The following SGCD variants were observed in gnomAD, a reference collection of about 807,000 sequenced individuals.
The protein encoded by SGCD is sarcoglycan delta, also known as delta-sarcoglycan.
Under a neutral mutation model 36.6 loss-of-function variants are expected in SGCD, and 18 were observed. That is an observed-to-expected ratio of 0.49 (90% confidence interval 0.34 to 0.73). The LOEUF is 0.73. Ranked by LOEUF, SGCD falls within the 30% of genes least tolerant of loss-of-function variation. The probability of loss-of-function intolerance (pLI) is 0.01; values close to 1 mark genes in which losing one functional copy is unlikely to be tolerated. For synonymous variants in SGCD, 133 were observed against 130.6 expected, an observed-to-expected ratio of 1.02 and a Z score of -0.12; for missense variants, 387 against 346.7, an observed-to-expected ratio of 1.12 and a Z score of -0.92.
At chr5:156,742,202 T>TACACAAAG (rs113878339) in intron 7 of SGCD, among the ~76,000 whole-genome samples, 2 of 152,284 alleles carry the variant, frequency 1.3e-5, no homozygotes, top group African/African-American at 4.8e-5. Context: ...TGAGGTTTTA[T>TACACAAAG]ACACAAAGTA....
intron 1 of SGCD, among the ~76,000 whole-genome samples, chr5:156,106,109 C>CAAAAAA (rs1159337817): frequency 1.8e-3 from 62 of 34,940 alleles, no homozygotes; most frequent in African/African-American, 2.1e-3. Flanking sequence ...GACTCTGCCT[C>CAAAAAA]AAAAAAAAAA....
At chr5:155,807,804 C>T in the SGCD span, among the ~76,000 whole-genome samples, 11 of 152,118 alleles carry the variant, frequency 7.2e-5, no homozygotes, top group African/African-American at 1.4e-4. Context: ...CTTTGGAATA[C>T]GACATAACAC....
chr5:156,308,217 A>G (rs1455384416), intron 3 of SGCD, among the ~76,000 whole-genome samples: 1 of 152,128 alleles, frequency 6.6e-6, no homozygotes, highest in Non-Finnish European at 1.5e-5. Context: ...GAAAACTTAC[A>G]ATCGTGGCGG....
chr5:155,908,592 A>G (rs1014145275), intron 1 of SGCD, among the ~76,000 whole-genome samples: 3 of 152,138 alleles, frequency 2.0e-5, no homozygotes, highest in African/African-American at 7.2e-5. Context: ...ATTTCTACAT[A>G]ATTCTAAAGA....
At chr5:156,269,675 G>A (rs1459805910) in intron 3 of SGCD, among the ~76,000 whole-genome samples, 2 of 151,980 alleles carry the variant, frequency 1.3e-5, no homozygotes, top group Non-Finnish European at 2.9e-5. Flanking sequence ...AACCTTATCA[G>A]TTCCTTTGCA....
Position 156,198,606 on chromosome 5 carries a change from G to T in SGCD, c.-44+74587G>T, listed in dbSNP as rs530097673. Among the ~76,000 whole-genome samples the T allele has an allele frequency of 6.7e-4, 102 of 152,206 alleles. 1 individual carries two copies. The highest frequency in any genetic ancestry group is 2.4e-3 in the African/African-American group (98 of 41,540). On this transcript the variant is annotated intron_variant, in intron 3 of 9. Transcript: ENST00000517913. ...CCTTTACTCTAGCACTCTTAAAAAT[G>T]GCTCTGTGTGGACCATGGTCCTCCA...
intron 3 of SGCD, among the ~76,000 whole-genome samples, chr5:156,300,664 T>C (rs1253328613): frequency 2.0e-5 from 3 of 152,112 alleles, no homozygotes; most frequent in Admixed American, 6.5e-5. Context: ...AGAGTTTCTT[T>C]ACTTGATTTT....
intron 3 of SGCD, among the ~76,000 whole-genome samples, chr5:156,469,396 A>C (rs184254227): frequency 8.5e-4 from 129 of 152,330 alleles, no homozygotes; most frequent in African/African-American, 2.9e-3. Flanking sequence ...GCTATTAAGA[A>C]ATCATTCCCT....
chr5:155,842,529 T>C, the SGCD span, among the ~76,000 whole-genome samples: 39 of 151,912 alleles, frequency 2.6e-4, no homozygotes, highest in African/African-American at 8.2e-4. Flanking sequence ...GCTGAGATCG[T>C]GCCACTGCAC....
At chr5:156,249,444 A>C (rs1213877885) in intron 3 of SGCD, among the ~76,000 whole-genome samples, 1 of 152,252 alleles carries the variant, frequency 6.6e-6, no homozygotes, top group Non-Finnish European at 1.5e-5. Context: ...AACAGATGCC[A>C]GATCAGTGCC....
At chr5:156,636,163 A>G (rs1043414284) in intron 6 of SGCD, among the ~76,000 whole-genome samples, 1 of 152,192 alleles carries the variant, frequency 6.6e-6, no homozygotes, top group Admixed American at 6.5e-5. Context: ...TGATTACAGG[A>G]GAAAATGAAG....
chr5:156,149,508 C>G (rs1762783234), intron 3 of SGCD, among the ~76,000 whole-genome samples: 2 of 152,172 alleles, frequency 1.3e-5, no homozygotes, highest in African/African-American at 4.8e-5. Context: ...GTGATTTCTT[C>G]CTTGTCTCTT....
intron 3 of SGCD, among the ~76,000 whole-genome samples, chr5:156,130,031 G>A (rs940693011): frequency 1.3e-5 from 2 of 152,090 alleles, no homozygotes; most frequent in Non-Finnish European, 2.9e-5. Flanking sequence ...GGGTCAAATG[G>A]TAATTCTGCT....
At chr5:156,745,383 A>C (rs1337890001) in intron 7 of SGCD, among the ~76,000 whole-genome samples, 1 of 152,168 alleles carries the variant, frequency 6.6e-6, no homozygotes, top group Admixed American at 6.5e-5. Flanking sequence ...TGGGCCTGAA[A>C]TCTCAAGCAG....
chr5:156,749,572 C>T (rs143491547), intron 7 of SGCD, among the ~76,000 whole-genome samples: 54 of 152,034 alleles, frequency 3.6e-4, no homozygotes, highest in African/African-American at 1.1e-3. Context: ...CAGCTACAAA[C>T]GCAGGGGGCA....
At chr5:155,773,649 G>T in the SGCD span, among the ~76,000 whole-genome samples, 2,903 of 152,268 alleles carry the variant, frequency 0.019, 66 homozygotes, top group East Asian at 0.13. Flanking sequence ...TGGGGTAATT[G>T]CTAAGGAAAC....
intron 3 of SGCD, among the ~76,000 whole-genome samples, chr5:156,470,435 T>C (rs1036062069): frequency 6.6e-6 from 1 of 152,136 alleles, no homozygotes; most frequent in Non-Finnish European, 1.5e-5. Context: ...GCCGGTGTGC[T>C]GCACCCACTA....
At chr5:155,982,347 T>C (rs530222378) in intron 1 of SGCD, among the ~76,000 whole-genome samples, 34 of 152,232 alleles carry the variant, frequency 2.2e-4, no homozygotes, top group Admixed American at 1.6e-3. Flanking sequence ...TAAATAACTT[T>C]TTATTTTTGT....
intron 1 of SGCD, among the ~76,000 whole-genome samples, chr5:156,116,402 A>G (rs140474794): frequency 2.0e-5 from 3 of 152,106 alleles, no homozygotes; most frequent in South Asian, 2.1e-4. Flanking sequence ...TAAATTTCCT[A>G]TTGACATCCC....
Sources: allele counts gnomAD v4.1 joint callset (sites outside exome capture counted in the v4.1 genomes callset), GRCh38; gene constraint gnomAD v4.1.1; transcripts MANE v1.5; gene names NCBI Gene and HGNC (gene_info 2026-07-23, HGNC 2026-07-21).